QRSL1: variants seen among roughly 807,000 people sequenced by gnomAD.
QRSL1 encodes glutaminyl-tRNA amidotransferase subunit QRSL1.
QRSL1 carries 54 observed loss-of-function variants against 61.6 expected under a neutral mutation model. The ratio of observed to expected loss-of-function variants is 0.88; its 90% CI spans 0.70 to 1.10. The LOEUF (loss-of-function observed/expected upper bound fraction) is 1.10. Ranked by LOEUF, QRSL1 falls within the 50% of genes least tolerant of loss-of-function variation. The pLI, the probability that QRSL1 is intolerant of heterozygous loss-of-function variation, is 0.00. For missense variants in QRSL1, 505 were observed against 622.6 expected, an observed-to-expected ratio of 0.81 and a Z score of 2.01; for synonymous variants, 228 against 225.7, an observed-to-expected ratio of 1.01 and a Z score of -0.09.
At chr6:106,662,218 A>T (rs1168435003) in intron 9 of QRSL1, among the ~76,000 whole-genome samples, 1 of 152,098 alleles carries the variant, frequency 6.6e-6, no homozygotes, top group East Asian at 1.9e-4. Flanking sequence ...TGCATAGTCT[A>T]CCGCTGTCTA....
intron 1 of QRSL1, among the ~76,000 whole-genome samples, chr6:106,639,136 T>G (rs13203781): frequency 3.3e-4 from 28 of 84,670 alleles, no homozygotes; most frequent in Middle Eastern, 5.2e-3. Context: ...TTTTTTTTTT[T>G]TTTTTTTTTT....
chr6:106,636,615 A>G (rs1001595997), intron 1 of QRSL1, among the ~76,000 whole-genome samples: 9 of 152,120 alleles, frequency 5.9e-5, no homozygotes, highest in Admixed American at 2.6e-4. Flanking sequence ...CACCGCGCCC[A>G]GCCAGCTCTA....
rs1777211525 is a variant in QRSL1 at position 106,652,932 on chromosome 6, A to G, written c.849+350A>G. 20 of 566,308 alleles carry G rather than the reference A, an allele frequency of 3.5e-5. No individual in the cohort carries two copies. The South Asian group carries it at 6.1e-4, about 17-fold the overall frequency. 35.1% of individuals were successfully genotyped at this position (566,308 alleles called of 1,614,324 possible). Reference sequence around the variant, plus strand: ...TAGTGAGAAAGCAGCCACAGACAATATGTAAATGAAAAAGTGTGTCTCTGT... The same window carrying G: ...TAGTGAGAAAGCAGCCACAGACAATGTGTAAATGAAAAAGTGTGTCTCTGT... On this transcript the variant is annotated intron_variant, in intron 7 of 10. Transcript: ENST00000369046.
At chr6:106,642,511 CCT>C in intron 3 of QRSL1, 1 of 697,376 alleles carries the variant, frequency 1.4e-6, no homozygotes, top group South Asian at 1.5e-5. Flanking sequence ...GTTTTCTAGG[CCT>C]TTTACAAAAC....
At chr6:106,648,932 A>C in intron 4 of QRSL1, 93 bp from the exon 5 acceptor site, 5 of 1,325,400 alleles carry the variant, frequency 3.8e-6, no homozygotes, top group Non-Finnish European at 5.1e-6. Context: ...TAAATGCTCA[A>C]TGAGTGTCAG....
At chr6:106,639,111 GTTTTGTTGTTTTTTTTT>G (rs1299387275) in intron 1 of QRSL1, among the ~76,000 whole-genome samples, 2 of 60,750 alleles carry the variant, frequency 3.3e-5, no homozygotes, top group African/African-American at 1.3e-4. Flanking sequence ...TTATTTGTGT[GTTTTGTTGTTTTTTTTT>G]TTTTTTTTTT....
intron 4 of QRSL1, 144 bp from the exon 5 acceptor site, chr6:106,648,881 C>A (rs1777153020): frequency 4.3e-6 from 3 of 696,974 alleles, no homozygotes; most frequent in South Asian, 3.1e-5. Flanking sequence ...TACATCTGAA[C>A]AGGCTTCCCA....
At chr6:106,638,519 G>C (rs1776958772) in intron 1 of QRSL1, among the ~76,000 whole-genome samples, 1 of 152,074 alleles carries the variant, frequency 6.6e-6, no homozygotes, top group Non-Finnish European at 1.5e-5. Flanking sequence ...GGTCAGGCTG[G>C]TCTTGAACTC....
At chr6:106,660,183 G>A (rs1777333554) in intron 9 of QRSL1, among the ~76,000 whole-genome samples, 1 of 151,928 alleles carries the variant, frequency 6.6e-6, no homozygotes, top group African/African-American at 2.4e-5. Flanking sequence ...GAAATCAAAG[G>A]GCATATCTCA....
chr6:106,665,558 A>G (rs1008267187), intron 10 of QRSL1, among the ~76,000 whole-genome samples: 7 of 152,248 alleles, frequency 4.6e-5, no homozygotes, highest in Admixed American at 2.0e-4. Flanking sequence ...CTATACAGCA[A>G]TAAGAAATGA....
intron 7 of QRSL1, chr6:106,653,914 T>G (rs193079961): frequency 5.9e-4 from 90 of 152,306 alleles, no homozygotes; most frequent in African/African-American, 2.1e-3. Context: ...AGACCCAGTT[T>G]GAAATCCTAG....
intron 10 of QRSL1, 83 bp downstream of exon 10, chr6:106,663,268 T>C (rs1179535422): frequency 7.3e-7 from 1 of 1,371,702 alleles, no homozygotes; most frequent in Non-Finnish European, 1.0e-6. Flanking sequence ...TCTAGCTAGA[T>C]GGTTTCCGAA....
intron 1 of QRSL1, among the ~76,000 whole-genome samples, chr6:106,636,399 C>T (rs1409392765): frequency 6.6e-6 from 1 of 151,122 alleles, no homozygotes; most frequent in Non-Finnish European, 1.5e-5. Flanking sequence ...TGGCTCACTG[C>T]AACATCTGCC....
intron 3 of QRSL1, among the ~76,000 whole-genome samples, chr6:106,642,152 G>A (rs552637727): frequency 9.9e-4 from 151 of 152,268 alleles, no homozygotes; most frequent in South Asian, 1.9e-3. Flanking sequence ...CACCTCCTGG[G>A]TTCAAGTGAT....
chr6:106,655,799 C>A lies in QRSL1; in HGVS notation c.1160+67C>A. 4.1e-6 allele frequency: 4 copies of A among 972,524 alleles called. No individual in the cohort carries two copies. The highest frequency in any genetic ancestry group is 6.5e-6 in the Non-Finnish European group (4 of 616,640). 60.2% of individuals were successfully genotyped at this position (972,524 alleles called of 1,614,324 possible). A position where few individuals can be genotyped will look rare whatever the true frequency, so the allele number is the denominator to read the frequency against. ...TCAAGTAACATGTCTCTTATCAGGT[C>A]TTATAAGTCAAGGTATTTAGTAAAG... On this transcript the variant is annotated intron_variant, in intron 9 of 10. Transcript: ENST00000369046.
chr6:106,647,542 G>A (rs1255776588), intron 4 of QRSL1, among the ~76,000 whole-genome samples: 1 of 110,940 alleles, frequency 9.0e-6, no homozygotes, highest in Admixed American at 1.0e-4. Context: ...CTGGGCAATA[G>A]AGCGAGACTG....
At chr6:106,636,471 C>T (rs891236062) in intron 1 of QRSL1, among the ~76,000 whole-genome samples, 10 of 152,152 alleles carry the variant, frequency 6.6e-5, no homozygotes, top group Non-Finnish European at 1.0e-4. Flanking sequence ...CAGATGCACG[C>T]CACCACGCCC....
chr6:106,640,975 G>A lies in QRSL1; in HGVS notation c.283+54G>A, dbSNP rs537184154. 333 of 1,297,202 alleles carry A rather than the reference G, an allele frequency of 2.6e-4. No homozygotes were observed. The African/African-American group carries it at 4.2e-3, about 16-fold the overall frequency. 80.4% of individuals were successfully genotyped at this position (1,297,202 alleles called of 1,614,324 possible). On this transcript the variant is annotated intron_variant, in intron 3 of 10. Coordinates refer to ENST00000369046, the MANE Select transcript of QRSL1 (RefSeq NM_018292.5). ...AATTTTATAAAAATAGGTATTTTTC[G>A]CTTTAAGGATAATAAAGTACCAAGA...
rs1029853465 is a variant in QRSL1 at position 106,649,193 on chromosome 6, A to G, written c.549A>G (p.Thr183=). 3 of 1,614,050 alleles carry G rather than the reference A, an allele frequency of 1.9e-6. No individual in the cohort carries two copies. Among genetic ancestry groups the G allele is most frequent in the Non-Finnish European group, 2.5e-6 (3 of 1,179,964 alleles). The change falls in exon 5 of 11, where the codon ACA becomes ACG. Residue 183 remains threonine, a synonymous_variant. Transcript: ENST00000369046. Reference sequence around the variant, plus strand: ...GTGCAGCTGCTGTATCGGCGTTCACATGCTACGCGTAAGATGCTTTTCTCT... The same window carrying G: ...GTGCAGCTGCTGTATCGGCGTTCACGTGCTACGCGTAAGATGCTTTTCTCT... ...GGSAAAVSAF[T]CYAALGSDTG... is the part of the protein sequence containing the mutation.
Sources: gnomAD v4.1 joint callset for allele counts (sites outside exome capture counted in the v4.1 genomes callset) on GRCh38, gnomAD v4.1.1 for gene constraint, MANE v1.5 for transcripts, NCBI Gene and HGNC (gene_info 2026-07-23, HGNC 2026-07-21) for gene names.